Variants in RELN observed in about 807,000 individuals in gnomAD.
The protein encoded by RELN is reelin.
A neutral mutation model predicts 427.6 loss-of-function variants in RELN; 108 were observed. That is an observed-to-expected ratio of 0.25 (90% CI 0.22 to 0.30). RELN has a LOEUF of 0.30. Among genes scored for constraint, RELN ranks in the 10% least tolerant of loss-of-function variants. The probability of loss-of-function intolerance (pLI) is 1.00; values close to 1 mark genes in which losing one functional copy is unlikely to be tolerated. For synonymous variants in RELN, 1,524 were observed against 1,513.4 expected, an observed-to-expected ratio of 1.01 and a Z score of -0.16; for missense variants, 3,715 against 4,302.8, an observed-to-expected ratio of 0.86 and a Z score of 3.82.
At chr7:103,517,683 A>C (rs1829600075) in intron 49 of RELN, among the ~76,000 whole-genome samples, 1 of 152,096 alleles carries the variant, frequency 6.6e-6, no homozygotes, top group Non-Finnish European at 1.5e-5. Context: ...GGTACTCTGT[A>C]CCACTTAGCT....
At chr7:103,574,373 C>T in intron 29 of RELN, 74 bp from the exon 30 acceptor site, 1 of 1,244,136 alleles carries the variant, frequency 8.0e-7, no homozygotes, top group Non-Finnish European at 1.2e-6. Context: ...AACACATGGG[C>T]AAAGGAAGAA....
rs796907776 is a variant in RELN at position 103,688,228 on chromosome 7, C to T, written c.1144-5967G>A. ...ATGAAAAAAGACATGGGAACATGGG[C>T]TAGCCACAAGTCTAACTGAGCTCAG... On this transcript the variant is annotated intron_variant, in intron 10 of 64. Coordinates refer to ENST00000428762, the MANE Select transcript of RELN (RefSeq NM_005045.4). 1.2e-4 allele frequency among the ~76,000 whole-genome samples: 19 copies of T among 152,216 alleles called. No individual in the cohort carries two copies. The East Asian group carries it at 3.7e-3, about 29-fold the overall frequency.
At chr7:103,709,219 T>C (rs1213033265) in intron 8 of RELN, among the ~76,000 whole-genome samples, 2 of 152,190 alleles carry the variant, frequency 1.3e-5, no homozygotes, top group Admixed American at 6.5e-5. Context: ...TTATACACAC[T>C]GATGCTCTTC....
At chr7:103,976,692 G>C (rs926939843) in intron 1 of RELN, among the ~76,000 whole-genome samples, 4 of 152,124 alleles carry the variant, frequency 2.6e-5, no homozygotes, top group Non-Finnish European at 2.9e-5. Context: ...GTAAGACACA[G>C]AAGGCCTAAG....
chr7:103,596,163 C>T (rs775623135), intron 25 of RELN, among the ~76,000 whole-genome samples: 3 of 152,284 alleles, frequency 2.0e-5, no homozygotes, highest in Admixed American at 6.5e-5. Context: ...GGAAAATGAG[C>T]GTGGAACATC....
At chr7:103,522,555 A>G (rs1829734127) in intron 47 of RELN, among the ~76,000 whole-genome samples, 1 of 152,200 alleles carries the variant, frequency 6.6e-6, no homozygotes, top group Non-Finnish European at 1.5e-5. Flanking sequence ...TTACAAAATT[A>G]GTCTTTTTAA....
intron 4 of RELN, among the ~76,000 whole-genome samples, chr7:103,754,404 C>T (rs190037194): frequency 5.7e-4 from 86 of 151,742 alleles, no homozygotes; most frequent in African/African-American, 2.1e-3. Flanking sequence ...TACTGTATAT[C>T]AATTAGGAAA....
chr7:103,540,164 A>C, intron 44 of RELN, 33 bp downstream of exon 44: 1 of 1,613,516 alleles, frequency 6.2e-7, no homozygotes, highest in Non-Finnish European at 8.5e-7. Flanking sequence ...TCAAGTGACG[A>C]CAATTAAAAT....
intron 3 of RELN, among the ~76,000 whole-genome samples, chr7:103,820,793 G>A (rs1489155533): frequency 1.3e-5 from 2 of 151,966 alleles, no homozygotes; most frequent in East Asian, 1.9e-4. Context: ...CAGAACTGGG[G>A]TTGACAAGAA....
At chr7:103,630,836 C>T (rs1232994129) in intron 19 of RELN, among the ~76,000 whole-genome samples, 1 of 139,396 alleles carries the variant, frequency 7.2e-6, no homozygotes, top group African/African-American at 2.7e-5. Context: ...ACTGAAAGGG[C>T]TGAGTTATTT....
chr7:103,885,790 C>T (rs1277809027), intron 2 of RELN, among the ~76,000 whole-genome samples: 1 of 152,174 alleles, frequency 6.6e-6, no homozygotes, highest in Admixed American at 6.5e-5. Context: ...TTACCCACTA[C>T]TCTAATAGCT....
intron 17 of RELN, 119 bp from the exon 18 acceptor site, chr7:103,636,587 C>A: frequency 8.2e-6 from 6 of 734,442 alleles, no homozygotes; most frequent in South Asian, 1.5e-5. Context: ...AAATGAGGCT[C>A]ATTAGTCTTT....
Position 103,607,876 on chromosome 7 carries a change from T to C in RELN, c.3008+2819A>G, listed in dbSNP as rs900816753. On this transcript the variant is annotated intron_variant, in intron 22 of 64. Coordinates refer to ENST00000428762, the MANE Select transcript of RELN (RefSeq NM_005045.4). ...TAGCTGTTTGGGTCTCATCAGGCCA[T>C]GTTCTTATGTAAATGTCTCTCATAA... Among the ~76,000 whole-genome samples the C allele has an allele frequency of 6.8e-4, 103 of 152,342 alleles. 1 individual carries two copies. Among genetic ancestry groups the C allele is most frequent in the African/African-American group, 2.4e-3 (98 of 41,588 alleles).
At chr7:103,731,406 C>G (rs1419126388) in intron 6 of RELN, among the ~76,000 whole-genome samples, 2 of 152,082 alleles carry the variant, frequency 1.3e-5, no homozygotes, top group African/African-American at 4.8e-5. Flanking sequence ...ACAAAGGCTT[C>G]ATGTGCTGTT....
intron 16 of RELN, among the ~76,000 whole-genome samples, chr7:103,644,972 T>A (rs1342904756): frequency 2.0e-5 from 3 of 151,778 alleles, no homozygotes; most frequent in Non-Finnish European, 3.0e-5. Context: ...TGGGATCCTA[T>A]TTTTAGGTTT....
chr7:103,604,134 G>A (rs1221922809), intron 23 of RELN, among the ~76,000 whole-genome samples: 1 of 152,198 alleles, frequency 6.6e-6, no homozygotes, highest in African/African-American at 2.4e-5. Flanking sequence ...CTTGAGGTTA[G>A]AGTTTGAGAT....
chr7:103,614,946 C>G (rs1459106214), intron 20 of RELN, among the ~76,000 whole-genome samples: 1 of 152,144 alleles, frequency 6.6e-6, no homozygotes, highest in Non-Finnish European at 1.5e-5. Context: ...ATGAATTTCA[C>G]AGACTGTGAT....
intron 63 of RELN, among the ~76,000 whole-genome samples, chr7:103,482,552 G>GA (rs1828279443): frequency 1.3e-5 from 2 of 152,100 alleles, no homozygotes. Context: ...CATTTTATAA[G>GA]GCAACCCAGA....
At chr7:103,539,633 G>T (rs1448792385) in intron 44 of RELN, 16 of 426,206 alleles carry the variant, frequency 3.8e-5, no homozygotes, top group South Asian at 3.1e-4. Flanking sequence ...GCTTATGTGT[G>T]ATTATTTTCC....
Sources: gnomAD v4.1 joint callset for allele counts (sites outside exome capture counted in the v4.1 genomes callset) on GRCh38, gnomAD v4.1.1 for gene constraint, MANE v1.5 for transcripts, NCBI Gene and HGNC (gene_info 2026-07-23, HGNC 2026-07-21) for gene names.